Variants in FAM153A observed in about 807,000 individuals in gnomAD.
FAM153A encodes the protein protein FAM153A.
Under a neutral mutation model 48.1 loss-of-function variants are expected in FAM153A, and 12 were observed. The ratio of observed to expected loss-of-function variants is 0.25; its 90% CI spans 0.16 to 0.40. The LOEUF (loss-of-function observed/expected upper bound fraction) is 0.40, where lower values mean the gene tolerates loss of function less well. FAM153A is among the 10% of genes least tolerant of loss of function. The pLI is 1.00. For missense variants in FAM153A, 111 were observed against 345.8 expected (o/e 0.32, Z 5.38); for synonymous variants, 36 against 118.2 (o/e 0.30, Z 4.51).
upstream of FAM153A, among the ~76,000 whole-genome samples, chr5:177,754,001 G>A (rs542239509): frequency 6.6e-6 from 1 of 151,930 alleles, no homozygotes; most frequent in Non-Finnish European, 1.5e-5. Flanking sequence ...AGGACAGTGG[G>A]TGCAGTGCAC....
intron 4 of FAM153A, among the ~76,000 whole-genome samples, chr5:177,746,448 C>T (rs1398039677): frequency 5.4e-5 from 8 of 148,922 alleles, no homozygotes; most frequent in African/African-American, 1.8e-4. Context: ...CATGAGCCAC[C>T]GTCTCCAGCC....
upstream of FAM153A, among the ~76,000 whole-genome samples, chr5:177,757,747 T>G (rs1427906079): frequency 3.3e-5 from 5 of 151,396 alleles, no homozygotes; most frequent in Non-Finnish European, 5.9e-5. Flanking sequence ...TCTCAATAGA[T>G]GCAGAAAAGG....
At chr5:177,756,948 A>T (rs1236519433), upstream of FAM153A, among the ~76,000 whole-genome samples, 16 of 122,274 alleles carry the variant, frequency 1.3e-4, 5 homozygotes, top group Non-Finnish European at 2.8e-4. Flanking sequence ...AAGAGCAAAC[A>T]TATTCAAAAG....
chr5:177,715,164 A>G (rs1759418875), intron 25 of FAM153A, among the ~76,000 whole-genome samples: 1 of 151,530 alleles, frequency 6.6e-6, no homozygotes, highest in Non-Finnish European at 1.5e-5. Context: ...TTGTATTTTT[A>G]GTAGAGACAG....
the FAM153A span, among the ~76,000 whole-genome samples, chr5:177,698,894 G>A: frequency 6.6e-6 from 1 of 151,864 alleles, no homozygotes; most frequent in Non-Finnish European, 1.5e-5. Context: ...CTGAACTCAA[G>A]TGATCTCCTG....
intron 4 of FAM153A, among the ~76,000 whole-genome samples, chr5:177,746,243 A>G (rs892914464): frequency 2.0e-5 from 3 of 149,720 alleles, no homozygotes; most frequent in Admixed American, 1.3e-4. Context: ...TATTACAGAC[A>G]TGTGCTCCCT....
rs1262124386 is a variant in FAM153A at position 177,766,162 on chromosome 5, G to GA, written c.-57+14286dup. ...AACAAACAGAAAAACATGCCAATAG[G>GA]ATAAAAAAAAAAAAGAAAGACAAGT... is the stretch of plus-strand genomic sequence containing the variant. On this transcript the variant is annotated intron_variant, in intron 1 of 8. Transcript: ENST00000393518. Among the ~76,000 whole-genome samples, 3 of 89,824 alleles carry GA rather than the reference G, an allele frequency of 3.3e-5. No homozygotes were observed. In the East Asian group the frequency reaches 1.0e-3, roughly 31 times the overall value. 58.9% of individuals were successfully genotyped at this position (89,824 alleles called of 152,430 possible).
At chr5:177,725,247 TAAG>T (rs1383129787) in intron 18 of FAM153A, among the ~76,000 whole-genome samples, 1 of 139,744 alleles carries the variant, frequency 7.2e-6, no homozygotes, top group Non-Finnish European at 1.5e-5. Flanking sequence ...TTCTCCAAAA[TAAG>T]AACACTGGAA....
downstream of FAM153A, among the ~76,000 whole-genome samples, chr5:177,708,968 G>A (rs1758103724): frequency 6.6e-6 from 1 of 150,878 alleles, no homozygotes; most frequent in Non-Finnish European, 1.5e-5. Context: ...GGTGGTGGGT[G>A]CCTGTAGTCC....
the FAM153A span, among the ~76,000 whole-genome samples, chr5:177,694,835 A>T: frequency 6.7e-6 from 1 of 149,006 alleles, no homozygotes; most frequent in Admixed American, 6.7e-5. Flanking sequence ...GCTTTCCCTC[A>T]ATCCCACCAG....
At chr5:177,731,221 C>G (rs1228685607) in intron 16 of FAM153A, among the ~76,000 whole-genome samples, 1 of 18,624 alleles carries the variant, frequency 5.4e-5, no homozygotes, top group Non-Finnish European at 9.7e-5. Context: ...TCCAGTGATT[C>G]TCCTGCCTCA....
At chr5:177,739,056 C>T in intron 10 of FAM153A, 57 bp downstream of exon 12, 1 of 1,578,414 alleles carries the variant, frequency 6.3e-7, no homozygotes, top group South Asian at 1.1e-5. Context: ...AAGAACGTGT[C>T]ACCTTTCTCA....
intron 1 of FAM153A, among the ~76,000 whole-genome samples, chr5:177,767,894 C>T (rs1768833894): frequency 1.0e-5 from 1 of 95,492 alleles, no homozygotes; most frequent in South Asian, 4.1e-4. Flanking sequence ...TTTTTCTCCA[C>T]CAACAAGTAA....
downstream of FAM153A, among the ~76,000 whole-genome samples, chr5:177,707,402 T>G (rs1410449357): frequency 2.0e-5 from 3 of 151,512 alleles, no homozygotes; most frequent in African/African-American, 7.3e-5. Flanking sequence ...ATGGTAATGG[T>G]CAGTGAAAAA....
chr5:177,712,016 C>T lies in FAM153A; in HGVS notation c.*2546G>A, dbSNP rs576119729. Reference sequence around the variant, plus strand: ...GACTGTTAAGAGACAGAATACAAGCCACAGACTAGGAGAAAATATTTGCAA... The same window carrying T: ...GACTGTTAAGAGACAGAATACAAGCTACAGACTAGGAGAAAATATTTGCAA... On this transcript the variant is annotated 3_prime_UTR_variant and NMD_transcript_variant, in exon 27 of 27. Transcript: ENST00000360669. The T allele has an allele frequency of 3.0e-4, 45 of 151,720 alleles. 1 individual carries two copies. Among genetic ancestry groups the T allele is most frequent in the African/African-American group, 1.1e-3 (45 of 41,146 alleles). The allele number at this position is 151,720 out of a possible 1,614,324, so 9.4% of individuals were successfully genotyped here.
the FAM153A span, among the ~76,000 whole-genome samples, chr5:177,701,389 CTT>C: frequency 1.3e-5 from 2 of 151,694 alleles, no homozygotes; most frequent in Non-Finnish European, 2.9e-5. Flanking sequence ...CATAGTGAAA[CTT>C]CATCTCTACT....
intron 25 of FAM153A, among the ~76,000 whole-genome samples, chr5:177,716,013 C>G (rs1759697313): frequency 6.8e-6 from 1 of 146,062 alleles, no homozygotes; most frequent in African/African-American, 2.6e-5. Context: ...CAGATGGAGT[C>G]TTGCTCTGTT....
At chr5:177,700,109 A>G in the FAM153A span, among the ~76,000 whole-genome samples, 1 of 151,990 alleles carries the variant, frequency 6.6e-6, no homozygotes, top group South Asian at 2.1e-4. Context: ...AAACCCACAT[A>G]ATCATCTCAG....
intron 2 of FAM153A, among the ~76,000 whole-genome samples, chr5:177,749,145 A>G (rs1221946013): frequency 6.7e-6 from 1 of 149,586 alleles, no homozygotes; most frequent in African/African-American, 2.5e-5. Flanking sequence ...AATACATCGT[A>G]TTTATTATTT....
Sources: allele counts gnomAD v4.1 joint callset (sites outside exome capture counted in the v4.1 genomes callset), GRCh38; gene constraint gnomAD v4.1.1; transcripts MANE v1.5; gene names NCBI Gene and HGNC (gene_info 2026-07-23, HGNC 2026-07-21).